ITGB8: variants seen among roughly 807,000 people sequenced by gnomAD.
The protein encoded by ITGB8 is integrin beta-8.
Under a neutral mutation model 89.5 loss-of-function variants are expected in ITGB8, and 30 were observed. The observed-to-expected ratio is 0.34, with a 90% CI of 0.25 to 0.45. The LOEUF (loss-of-function observed/expected upper bound fraction) is 0.45, where lower values mean the gene tolerates loss of function less well. ITGB8 is among the 20% of genes least tolerant of loss of function. The pLI is 1.00. For synonymous variants in ITGB8, 335 were observed against 320.4 expected, an observed-to-expected ratio of 1.05 and a Z score of -0.49; for missense variants, 836 against 933.3, an observed-to-expected ratio of 0.90 and a Z score of 1.36.
chr7:20,398,768 T>C, intron 8 of ITGB8, 92 bp from the exon 9 acceptor site: 1 of 915,160 alleles, frequency 1.1e-6, no homozygotes, highest in Non-Finnish European at 1.5e-6. Flanking sequence ...TAGTTAAAAT[T>C]AAATCTATAA....
Position 20,336,068 on chromosome 7 carries a change from C to T in ITGB8, c.127+4135C>T, listed in dbSNP as rs148629696. Among the ~76,000 whole-genome samples, 1,238 of 126,840 alleles carry T rather than the reference C, an allele frequency of 9.8e-3. 16 individuals are homozygous for T. Among genetic ancestry groups the T allele is most frequent in the African/African-American group, 0.035 (1,157 of 32,732 alleles). 83.2% of individuals were successfully genotyped at this position (126,840 alleles called of 152,430 possible). A position where few individuals can be genotyped will look rare whatever the true frequency, so the allele number is the denominator to read the frequency against. ...TCGCCCAGGCTGGAGTGCAGTGGTG[C>T]GATCTCGGCCCACTGCAAGCTTCGC... is the stretch of plus-strand genomic sequence containing the variant. On this transcript the variant is annotated intron_variant, in intron 1 of 13. Transcript: ENST00000222573.
intron 1 of ITGB8, among the ~76,000 whole-genome samples, chr7:20,360,995 TC>T (rs1785482232): frequency 6.6e-6 from 1 of 151,482 alleles, no homozygotes; most frequent in Non-Finnish European, 1.5e-5. Flanking sequence ...CCTTTTTTTT[TC>T]ACAACCTTGC....
Position 20,414,939 on chromosome 7 carries a change from C to T in ITGB8, c.*4942C>T, listed in dbSNP as rs1344832562. ...TAATACTGCTCTATTAATCAGGTTT[C>T]TAGCCTCTACAACCTACTTCAGTTA... On this transcript the variant is annotated 3_prime_UTR_variant, in exon 14 of 14. Transcript: ENST00000222573. 1 of 152,424 alleles carries T rather than the reference C, an allele frequency of 6.6e-6. No homozygotes were observed. Among genetic ancestry groups the T allele is most frequent in the Non-Finnish European group, 1.5e-5 (1 of 67,942 alleles). 9.4% of individuals were successfully genotyped at this position (152,424 alleles called of 1,614,324 possible).
chr7:20,334,367 A>G (rs1434409213), intron 1 of ITGB8, among the ~76,000 whole-genome samples: 1 of 152,196 alleles, frequency 6.6e-6, no homozygotes, highest in East Asian at 1.9e-4. Context: ...ATTTTAAAAG[A>G]TTAAGAACTT....
At chr7:20,406,748 C>T (rs1322244322) in intron 12 of ITGB8, among the ~76,000 whole-genome samples, 1 of 152,058 alleles carries the variant, frequency 6.6e-6, no homozygotes, top group East Asian at 1.9e-4. Context: ...AACTGAGGCT[C>T]AGGGAAATTT....
chr7:20,383,701 A>G (rs921411951), intron 6 of ITGB8, among the ~76,000 whole-genome samples: 8 of 152,148 alleles, frequency 5.3e-5, no homozygotes, highest in African/African-American at 1.9e-4. Context: ...TTAGGCATAT[A>G]CCATGTTATA....
At chr7:20,392,683 C>G (rs912896448) in intron 7 of ITGB8, among the ~76,000 whole-genome samples, 1 of 152,178 alleles carries the variant, frequency 6.6e-6, no homozygotes, top group Non-Finnish European at 1.5e-5. Context: ...CTCCCAGGCC[C>G]TCACCCTTCC....
chr7:20,377,518 G>GA (rs1786203633), intron 3 of ITGB8: 2 of 152,182 alleles, frequency 1.3e-5, no homozygotes, highest in Non-Finnish European at 2.9e-5. Flanking sequence ...GTGTACCAGT[G>GA]TCTAACATTC....
chr7:20,409,246 C>T (rs1787670373), intron 12 of ITGB8, among the ~76,000 whole-genome samples: 2 of 152,192 alleles, frequency 1.3e-5, no homozygotes, highest in African/African-American at 2.4e-5. Context: ...TAGTGATCAA[C>T]AGTACGTACC....
intron 1 of ITGB8, chr7:20,352,233 A>C (rs1272239660): frequency 6.6e-6 from 1 of 152,234 alleles, no homozygotes; most frequent in African/African-American, 2.4e-5. Context: ...AGTCTAATGT[A>C]GGAAAAGCTG....
At chr7:20,342,176 A>ATT (rs1784780816) in intron 1 of ITGB8, among the ~76,000 whole-genome samples, 1 of 152,182 alleles carries the variant, frequency 6.6e-6, no homozygotes, top group Non-Finnish European at 1.5e-5. Flanking sequence ...CAAGCTCCAG[A>ATT]GGACGTAAGA....
intron 1 of ITGB8, among the ~76,000 whole-genome samples, chr7:20,347,373 T>C (rs1418964106): frequency 2.0e-5 from 3 of 152,180 alleles, no homozygotes; most frequent in Non-Finnish European, 4.4e-5. Context: ...TGGTGATTTT[T>C]AGTGGTAAAT....
chr7:20,391,591 A>G (rs918754085), intron 7 of ITGB8, 93 bp downstream of exon 7: 2 of 601,872 alleles, frequency 3.3e-6, no homozygotes, highest in Admixed American at 3.3e-5. Context: ...GGATTCTGGA[A>G]TTATTATACT....
At chr7:20,381,636 C>G (rs1041911294) in intron 5 of ITGB8, 91 bp from the exon 6 acceptor site, 15 of 936,256 alleles carry the variant, frequency 1.6e-5, no homozygotes, top group Non-Finnish European at 1.6e-6. Context: ...ACTTACTGTT[C>G]GTCAACTCAA....
chr7:20,378,972 A>C, intron 3 of ITGB8, 79 bp from the exon 4 acceptor site: 1 of 1,162,828 alleles, frequency 8.6e-7, no homozygotes, highest in Non-Finnish European at 1.2e-6. Context: ...TAGGTGCTAG[A>C]ATGTGACTAA....
At chr7:20,391,298 C>T in intron 6 of ITGB8, 105 bp from the exon 7 acceptor site, 2 of 496,238 alleles carry the variant, frequency 4.0e-6, no homozygotes, top group Non-Finnish European at 7.1e-6. Context: ...TAGTCCTTCC[C>T]AGGTACATTT....
chr7:20,337,846 T>C (rs1053054584), intron 1 of ITGB8, among the ~76,000 whole-genome samples: 1 of 152,310 alleles, frequency 6.6e-6, no homozygotes, highest in South Asian at 2.1e-4. Context: ...CCCCTCTAGA[T>C]CATCTCCAGA....
At chr7:20,399,848 T>C (rs996790916) in intron 9 of ITGB8, among the ~76,000 whole-genome samples, 1 of 152,112 alleles carries the variant, frequency 6.6e-6, no homozygotes, top group Non-Finnish European at 1.5e-5. Flanking sequence ...TGTCATGCTA[T>C]AGAAAAAAAG....
chr7:20,404,598 A>T, intron 10 of ITGB8, 30 bp from the exon 11 acceptor site: 1 of 1,582,394 alleles, frequency 6.3e-7, no homozygotes, highest in Non-Finnish European at 8.7e-7. Flanking sequence ...TGATCCAGAT[A>T]ACATAGGTCC....
Sources: allele counts gnomAD v4.1 joint callset (sites outside exome capture counted in the v4.1 genomes callset), GRCh38; gene constraint gnomAD v4.1.1; transcripts MANE v1.5; gene names NCBI Gene and HGNC (gene_info 2026-07-23, HGNC 2026-07-21).